TAFA2: variants seen among roughly 807,000 people sequenced by gnomAD.
TAFA2 encodes the protein TAFA chemokine like family member 2.
In TAFA2, 7 loss-of-function variants were observed where a neutral mutation model predicts 18.8. The observed-to-expected ratio is 0.37, with a 90% CI of 0.21 to 0.70. TAFA2 has a LOEUF of 0.70. Among genes scored for constraint, TAFA2 ranks in the 30% least tolerant of loss-of-function variants. The pLI is 0.53. For missense variants in TAFA2, 122 were observed against 158.1 expected (o/e 0.77, Z 1.23); for synonymous variants, 60 against 54.2 (o/e 1.11, Z -0.47).
At chr12:62,078,516 A>G (rs1565737251) in intron 1 of TAFA2, among the ~76,000 whole-genome samples, 1 of 152,056 alleles carries the variant, frequency 6.6e-6, no homozygotes, top group Non-Finnish European at 1.5e-5. Context: ...TAATCTCATT[A>G]TAATACTAAA....
chr12:61,780,964 G>A (rs1385302930), intron 2 of TAFA2, among the ~76,000 whole-genome samples: 5 of 151,634 alleles, frequency 3.3e-5, no homozygotes, highest in African/African-American at 7.3e-5. Flanking sequence ...AAATTTGCTC[G>A]AGTCAGACAA....
At chr12:61,829,389 A>G (rs1744278837) in intron 2 of TAFA2, among the ~76,000 whole-genome samples, 1 of 151,810 alleles carries the variant, frequency 6.6e-6, no homozygotes, top group African/African-American at 2.4e-5. Flanking sequence ...CACAATATGA[A>G]CAAAAATAAA....
intron 1 of TAFA2, among the ~76,000 whole-genome samples, chr12:62,133,312 T>C (rs965066706): frequency 6.6e-6 from 1 of 151,986 alleles, no homozygotes; most frequent in East Asian, 1.9e-4. Flanking sequence ...GTAATAAATA[T>C]GGAACCCAGG....
chr12:61,806,832 G>A (rs2120990084), intron 2 of TAFA2, among the ~76,000 whole-genome samples: 1 of 152,320 alleles, frequency 6.6e-6, no homozygotes, highest in Middle Eastern at 3.4e-3. Context: ...GTGGAACTTT[G>A]AACTTGAGAG....
intron 1 of TAFA2, among the ~76,000 whole-genome samples, chr12:62,071,413 T>A (rs571640522): frequency 6.6e-6 from 1 of 152,196 alleles, no homozygotes; most frequent in African/African-American, 2.4e-5. Context: ...ATTTTTCTTC[T>A]AGGTGAGATG....
At chr12:62,231,653 TAA>T (rs1452354771) in intron 1 of TAFA2, among the ~76,000 whole-genome samples, 1 of 152,204 alleles carries the variant, frequency 6.6e-6, no homozygotes, top group African/African-American at 2.4e-5. Context: ...CAAATTTTAT[TAA>T]GACTATAAAG....
chr12:62,228,264 TATAAGTC>T, intron 1 of TAFA2, among the ~76,000 whole-genome samples: 1 of 152,288 alleles, frequency 6.6e-6, no homozygotes, highest in Non-Finnish European at 1.5e-5. Context: ...AGCTCCCACT[TATAAGTC>T]AGAACATGCA....
At chr12:62,166,688 C>T (rs956169504) in intron 1 of TAFA2, among the ~76,000 whole-genome samples, 8 of 152,140 alleles carry the variant, frequency 5.3e-5, no homozygotes, top group Non-Finnish European at 1.5e-5. Context: ...TGATCCCAAA[C>T]AAGAAGCATG....
intron 1 of TAFA2, among the ~76,000 whole-genome samples, chr12:61,939,351 G>C (rs1280165542): frequency 1.3e-5 from 2 of 152,000 alleles, no homozygotes; most frequent in Non-Finnish European, 2.9e-5. Flanking sequence ...TGAAATTAAT[G>C]ACATTATTAA....
At chr12:61,955,627 AAAAAAATATATATATATATATATATAT>A (rs1285350388) in intron 1 of TAFA2, among the ~76,000 whole-genome samples, 16 of 23,138 alleles carry the variant, frequency 6.9e-4, no homozygotes, top group Admixed American at 1.4e-3. Flanking sequence ...AAAAAAAAAA[AAAAAAATATATATATATATATATATAT>A]ATATATATAT....
chr12:61,792,179 G>A (rs1175625657), intron 2 of TAFA2, among the ~76,000 whole-genome samples: 1 of 151,530 alleles, frequency 6.6e-6, no homozygotes, highest in East Asian at 1.9e-4. Flanking sequence ...TACAGAAGTA[G>A]TGAATAGTGA....
intron 2 of TAFA2, among the ~76,000 whole-genome samples, chr12:61,805,308 A>T (rs1237406539): frequency 6.6e-6 from 1 of 152,094 alleles, no homozygotes; most frequent in Non-Finnish European, 1.5e-5. Flanking sequence ...GGTACCTGAT[A>T]GCAATTAAGA....
intron 1 of TAFA2, among the ~76,000 whole-genome samples, chr12:62,085,747 C>A (rs1868424250): frequency 6.6e-6 from 1 of 152,044 alleles, no homozygotes; most frequent in Non-Finnish European, 1.5e-5. Context: ...GATAACAGGC[C>A]TAAATGTAAG....
intron 1 of TAFA2, among the ~76,000 whole-genome samples, chr12:61,980,404 A>C (rs1879590205): frequency 1.3e-5 from 2 of 152,200 alleles, no homozygotes; most frequent in Non-Finnish European, 2.9e-5. Flanking sequence ...GCACAAGACA[A>C]GGATGCCCTC....
At chr12:61,920,073 AC>A (rs986625554) in intron 1 of TAFA2, among the ~76,000 whole-genome samples, 1 of 152,234 alleles carries the variant, frequency 6.6e-6, no homozygotes. Context: ...AACATCAAAC[AC>A]TGCAAATAAA....
At chr12:62,046,332 G>GA (rs940571273) in intron 1 of TAFA2, among the ~76,000 whole-genome samples, 2 of 150,808 alleles carry the variant, frequency 1.3e-5, no homozygotes, top group Non-Finnish European at 3.0e-5. Context: ...AAGATTAAAG[G>GA]AAAAAAAGAT....
At chr12:61,754,583 C>T (rs1279285417) in intron 3 of TAFA2, among the ~76,000 whole-genome samples, 2 of 148,928 alleles carry the variant, frequency 1.3e-5, no homozygotes, top group East Asian at 4.0e-4. Flanking sequence ...AATCCACCTC[C>T]CACCATCCAC....
chr12:61,901,545 G>A (rs896205108), intron 1 of TAFA2, among the ~76,000 whole-genome samples: 2 of 151,272 alleles, frequency 1.3e-5, no homozygotes, highest in Non-Finnish European at 2.9e-5. Context: ...CAAATATATG[G>A]TACTTCTATA....
At chr12:61,915,540 C>G (rs1014700193) in intron 1 of TAFA2, among the ~76,000 whole-genome samples, 1 of 152,108 alleles carries the variant, frequency 6.6e-6, no homozygotes, top group Non-Finnish European at 1.5e-5. Context: ...TCATAGCGGC[C>G]AAGAGGTCTC....
Sources: allele counts gnomAD v4.1 joint callset (sites outside exome capture counted in the v4.1 genomes callset), GRCh38; gene constraint gnomAD v4.1.1; transcripts MANE v1.5; gene names NCBI Gene and HGNC (gene_info 2026-07-23, HGNC 2026-07-21).